CRADD: variants seen among roughly 807,000 people sequenced by gnomAD.
CRADD encodes CARD and death domain containing adaptor protein.
A neutral mutation model predicts 15.5 loss-of-function variants in CRADD; 9 were observed. The observed-to-expected ratio is 0.58, with a 90% CI of 0.35 to 1.01. The LOEUF is 1.01. Among genes scored for constraint, CRADD ranks in the 50% least tolerant of loss-of-function variants. The probability of loss-of-function intolerance (pLI) is 0.02; values close to 1 mark genes in which losing one functional copy is unlikely to be tolerated. For missense variants in CRADD, 227 were observed against 250.3 expected, an observed-to-expected ratio of 0.91 and a Z score of 0.63; for synonymous variants, 118 against 107.6, an observed-to-expected ratio of 1.10 and a Z score of -0.60.
At chr12:93,738,227 G>A (rs972526478) in intron 2 of CRADD, 17 of 620,738 alleles carry the variant, frequency 2.7e-5, no homozygotes, top group Admixed American at 5.6e-5. Flanking sequence ...AGGACTGGCC[G>A]AAGAATGGGG....
At chr12:93,835,376 C>G (rs1456383057) in intron 2 of CRADD, among the ~76,000 whole-genome samples, 1 of 152,122 alleles carries the variant, frequency 6.6e-6, no homozygotes, top group Non-Finnish European at 1.5e-5. Context: ...AGAATTATTT[C>G]TTGGAACTGG....
intron 2 of CRADD, among the ~76,000 whole-genome samples, chr12:93,868,417 C>G (rs1164783518): frequency 2.6e-5 from 4 of 152,028 alleles, no homozygotes; most frequent in African/African-American, 9.7e-5. Context: ...ATAATTTATC[C>G]TTGTTTTACA....
intron 2 of CRADD, among the ~76,000 whole-genome samples, chr12:93,739,103 C>T (rs1240139808): frequency 2.0e-5 from 3 of 152,086 alleles, no homozygotes. Flanking sequence ...TATGTAGAGA[C>T]ACGAAGCCAC....
intron 2 of CRADD, among the ~76,000 whole-genome samples, chr12:93,687,593 G>A (rs1011414737): frequency 6.6e-6 from 1 of 152,186 alleles, no homozygotes; most frequent in Non-Finnish European, 1.5e-5. Flanking sequence ...AGAACCTTGA[G>A]CTCTGACCAG....
intron 2 of CRADD, among the ~76,000 whole-genome samples, chr12:93,778,810 T>G (rs1414131757): frequency 6.6e-6 from 1 of 152,120 alleles, no homozygotes; most frequent in Non-Finnish European, 1.5e-5. Flanking sequence ...TTTCTTTTTG[T>G]GTTCTTGTGT....
At chr12:93,783,029 T>G (rs1957229376) in intron 2 of CRADD, among the ~76,000 whole-genome samples, 1 of 152,142 alleles carries the variant, frequency 6.6e-6, no homozygotes, top group South Asian at 2.1e-4. Flanking sequence ...GTGTTCTATT[T>G]GAGAGGCAGA....
chr12:93,779,664 A>T (rs1957180760), intron 2 of CRADD, among the ~76,000 whole-genome samples: 1 of 144,930 alleles, frequency 6.9e-6, no homozygotes, highest in Admixed American at 7.2e-5. Context: ...ATCTCGGCCC[A>T]CTGCAACCTC....
intron 2 of CRADD, among the ~76,000 whole-genome samples, chr12:93,683,589 A>G (rs1424401272): frequency 6.6e-6 from 1 of 152,036 alleles, no homozygotes; most frequent in Non-Finnish European, 1.5e-5. Flanking sequence ...TGCTCTTACA[A>G]CAGCAGTGCG....
chr12:93,833,405 C>G (rs151187726), intron 2 of CRADD, among the ~76,000 whole-genome samples: 2 of 152,126 alleles, frequency 1.3e-5, no homozygotes. Flanking sequence ...GTGGCACTCT[C>G]ACAGCTCACT....
chr12:93,787,846 C>G (rs996996846), intron 2 of CRADD, among the ~76,000 whole-genome samples: 9 of 152,168 alleles, frequency 5.9e-5, no homozygotes, highest in African/African-American at 2.2e-4. Flanking sequence ...GGCATTATCA[C>G]TTACCATGGT....
chr12:93,784,699 G>A (rs1439699530), intron 2 of CRADD, among the ~76,000 whole-genome samples: 2 of 152,122 alleles, frequency 1.3e-5, no homozygotes, highest in African/African-American at 4.8e-5. Context: ...TGGCCGAGTT[G>A]ATATTAGAAC....
chr12:93,768,628 T>G (rs1306726205), intron 2 of CRADD, among the ~76,000 whole-genome samples: 2 of 152,218 alleles, frequency 1.3e-5, no homozygotes, highest in Admixed American at 6.5e-5. Context: ...TAAGCAGCTT[T>G]TTTCATGTAA....
At chr12:93,738,937 T>C (rs73220811) in intron 2 of CRADD, among the ~76,000 whole-genome samples, 2,226 of 152,342 alleles carry the variant, frequency 0.015, 26 homozygotes, top group Non-Finnish European at 0.022. Flanking sequence ...GGGAAACTTA[T>C]CATTTAGGTT....
At chr12:93,875,014 G>T (rs1472843087) in intron 2 of CRADD, among the ~76,000 whole-genome samples, 5 of 152,004 alleles carry the variant, frequency 3.3e-5, no homozygotes, top group African/African-American at 7.2e-5. Flanking sequence ...GCTGAAAGTG[G>T]AGTGTTGAAG....
chr12:93,753,753 T>C (rs901490168), intron 2 of CRADD, among the ~76,000 whole-genome samples: 1 of 152,198 alleles, frequency 6.6e-6, no homozygotes, highest in Non-Finnish European at 1.5e-5. Flanking sequence ...TCCCACAACT[T>C]TGGGCAGCTC....
intron 2 of CRADD, among the ~76,000 whole-genome samples, chr12:93,886,001 T>C (rs1297974546): frequency 1.3e-5 from 2 of 151,968 alleles, no homozygotes; most frequent in African/African-American, 4.8e-5. Flanking sequence ...ATCATGCCAT[T>C]ACACTCCAGC....
At chr12:93,826,600 G>A (rs1278289163) in intron 2 of CRADD, 1 of 152,170 alleles carries the variant, frequency 6.6e-6, no homozygotes, top group Non-Finnish European at 1.5e-5. Context: ...TTTTAAAACT[G>A]TGCAAAAAGG....
chr12:93,829,313 T>C (rs1264180310), intron 2 of CRADD, among the ~76,000 whole-genome samples: 2 of 152,150 alleles, frequency 1.3e-5, no homozygotes, highest in Admixed American at 6.5e-5. Context: ...TAGACTATTA[T>C]GCTGTGTAGG....
intron 2 of CRADD, among the ~76,000 whole-genome samples, chr12:93,846,715 A>T (rs986329778): frequency 2.6e-5 from 4 of 152,178 alleles, no homozygotes; most frequent in African/African-American, 9.7e-5. Flanking sequence ...GAGGAGAGGC[A>T]CAGCCATCCA....
Sources: gnomAD v4.1 joint callset for allele counts (sites outside exome capture counted in the v4.1 genomes callset) on GRCh38, gnomAD v4.1.1 for gene constraint, MANE v1.5 for transcripts, NCBI Gene and HGNC (gene_info 2026-07-23, HGNC 2026-07-21) for gene names.